Variants in RIMS2 observed in about 807,000 individuals in gnomAD.
RIMS2 encodes regulating synaptic membrane exocytosis 2.
A neutral mutation model predicts 174.4 loss-of-function variants in RIMS2; 59 were observed. That is an observed-to-expected ratio of 0.34 (90% CI 0.27 to 0.42). The LOEUF (loss-of-function observed/expected upper bound fraction) is 0.42, where lower values mean the gene tolerates loss of function less well. RIMS2 is among the 10% of genes least tolerant of loss of function. The pLI, the probability that RIMS2 is intolerant of heterozygous loss-of-function variation, is 1.00. For synonymous variants in RIMS2, 606 were observed against 572.5 expected, an observed-to-expected ratio of 1.06 and a Z score of -0.84; for missense variants, 1,620 against 1,666.3, an observed-to-expected ratio of 0.97 and a Z score of 0.48.
chr8:103,531,545 C>A (rs1355144416), intron 1 of RIMS2, among the ~76,000 whole-genome samples: 1 of 152,162 alleles, frequency 6.6e-6, no homozygotes, highest in Non-Finnish European at 1.5e-5. Flanking sequence ...CCTCATACCT[C>A]ACCCTTTACA....
At chr8:103,762,023 T>A (rs2140142845) in intron 2 of RIMS2, among the ~76,000 whole-genome samples, 1 of 151,346 alleles carries the variant, frequency 6.6e-6, no homozygotes, top group African/African-American at 2.4e-5. Flanking sequence ...AATGTAAATT[T>A]TTTTTTTTTT....
In RIMS2 at chr8:104,240,150, G is replaced by A. The variant is rs566247184; in HGVS notation, c.3335-4766G>A. 1.5e-3 allele frequency among the ~76,000 whole-genome samples: 222 copies of A among 152,298 alleles called. 2 individuals are homozygous for A. The highest frequency in any genetic ancestry group is 4.9e-3 in the African/African-American group (202 of 41,556). On this transcript the variant is annotated intron_variant, in intron 19 of 23. Transcript: ENST00000504942. ...ACAGAGAAAGCACTCTGCTTTGAAA[G>A]GGCTGGTGTGGTTCAGTTACGCCCA...
intron 19 of RIMS2, among the ~76,000 whole-genome samples, chr8:104,145,913 G>A (rs927434016): frequency 6.6e-6 from 1 of 151,252 alleles, no homozygotes; most frequent in Non-Finnish European, 1.5e-5. Flanking sequence ...TTTGCTTATC[G>A]TTTTAGATGA....
intron 3 of RIMS2, among the ~76,000 whole-genome samples, chr8:103,826,121 G>T (rs996922574): frequency 1.3e-5 from 2 of 151,926 alleles, no homozygotes; most frequent in Non-Finnish European, 2.9e-5. Context: ...TATTAAATTC[G>T]CTAGTAAGTG....
chr8:103,668,746 T>G (rs891705346), intron 1 of RIMS2, among the ~76,000 whole-genome samples: 3 of 152,004 alleles, frequency 2.0e-5, no homozygotes, highest in African/African-American at 7.2e-5. Context: ...GGTGGCACAG[T>G]TGTAGCTCAG....
chr8:103,504,559 T>TA lies in RIMS2; in HGVS notation c.176+3499dup, dbSNP rs1475877849. 3.3e-5 allele frequency among the ~76,000 whole-genome samples: 5 copies of TA among 152,256 alleles called. No homozygotes were observed. The East Asian group carries it at 9.6e-4, about 29-fold the overall frequency. ...TATGTACATATCATAGCCTTTCAGA[T>TA]AAGCTTTTTGTAACACAAATTAGAA... is the stretch of plus-strand genomic sequence containing the variant. On this transcript the variant is annotated intron_variant, in intron 1 of 23. Transcript: ENST00000504942.
At chr8:103,561,766 C>T (rs573756729) in intron 1 of RIMS2, among the ~76,000 whole-genome samples, 1 of 152,214 alleles carries the variant, frequency 6.6e-6, no homozygotes, top group Admixed American at 6.5e-5. Flanking sequence ...GTTTTTATGG[C>T]CTGTATTAGT....
At chr8:103,645,536 T>G (rs1164951070) in intron 1 of RIMS2, among the ~76,000 whole-genome samples, 1 of 152,122 alleles carries the variant, frequency 6.6e-6, no homozygotes, top group Middle Eastern at 3.2e-3. Context: ...TGCTGACCAG[T>G]TTTCATGACT....
chr8:103,527,654 C>T (rs912509707), intron 1 of RIMS2, among the ~76,000 whole-genome samples: 2 of 151,934 alleles, frequency 1.3e-5, no homozygotes, highest in African/African-American at 4.8e-5. Flanking sequence ...GGTTTTCTCT[C>T]CTTGCAATAG....
intron 1 of RIMS2, among the ~76,000 whole-genome samples, chr8:103,595,451 A>C (rs150872697): frequency 0.016 from 2,368 of 151,976 alleles, 50 homozygotes; most frequent in African/African-American, 0.05. Flanking sequence ...GTGTAATAAC[A>C]ATAATTGGCT....
intron 1 of RIMS2, among the ~76,000 whole-genome samples, chr8:103,540,237 C>A (rs749294683): frequency 6.6e-6 from 1 of 152,124 alleles, no homozygotes; most frequent in Non-Finnish European, 1.5e-5. Context: ...GGCTCATAAG[C>A]GAGACCCAAC....
At chr8:103,564,833 A>G (rs1362702176) in intron 1 of RIMS2, among the ~76,000 whole-genome samples, 1 of 152,198 alleles carries the variant, frequency 6.6e-6, no homozygotes, top group African/African-American at 2.4e-5. Flanking sequence ...CCCAGGAACA[A>G]TACTTTGCAT....
chr8:103,744,309 G>T (rs560225794), intron 2 of RIMS2, among the ~76,000 whole-genome samples: 317 of 152,224 alleles, frequency 2.1e-3, no homozygotes, highest in Non-Finnish European at 2.2e-3. Flanking sequence ...CTCCCAAAGT[G>T]CTGGGATTGC....
chr8:103,507,888 C>T (rs1037255440), intron 1 of RIMS2, among the ~76,000 whole-genome samples: 1 of 151,994 alleles, frequency 6.6e-6, no homozygotes, highest in African/African-American at 2.4e-5. Context: ...TCATGCCCTC[C>T]AGGGACAGAT....
At chr8:103,531,700 A>G (rs1837245132) in intron 1 of RIMS2, among the ~76,000 whole-genome samples, 1 of 152,260 alleles carries the variant, frequency 6.6e-6, no homozygotes. Context: ...ATGCCTTTTC[A>G]TATGAATTGG....
intron 3 of RIMS2, among the ~76,000 whole-genome samples, chr8:103,853,677 A>C (rs749059283): frequency 2.6e-5 from 4 of 152,148 alleles, no homozygotes; most frequent in Admixed American, 6.6e-5. Flanking sequence ...AGCCTTGACA[A>C]AGAACAGATG....
At chr8:103,535,300 C>T (rs1839253523) in intron 1 of RIMS2, among the ~76,000 whole-genome samples, 2 of 152,088 alleles carry the variant, frequency 1.3e-5, no homozygotes, top group Admixed American at 1.3e-4. Flanking sequence ...ATCGATTGCC[C>T]TTAATTATTT....
intron 2 of RIMS2, among the ~76,000 whole-genome samples, chr8:103,712,818 T>C (rs538890153): frequency 6.6e-6 from 1 of 152,282 alleles, no homozygotes; most frequent in African/African-American, 2.4e-5. Context: ...TCCAGTTAAC[T>C]TTACCCAATT....
chr8:103,704,356 T>G (rs571554199), intron 2 of RIMS2, among the ~76,000 whole-genome samples: 2 of 151,912 alleles, frequency 1.3e-5, no homozygotes, highest in East Asian at 3.9e-4. Context: ...TCAGTTCAGT[T>G]TGCTAGAATG....
Sources: allele counts gnomAD v4.1 joint callset (sites outside exome capture counted in the v4.1 genomes callset), GRCh38; gene constraint gnomAD v4.1.1; transcripts MANE v1.5; gene names NCBI Gene and HGNC (gene_info 2026-07-23, HGNC 2026-07-21).